The following ANKS3 variants were observed in gnomAD, a reference collection of about 807,000 sequenced individuals.
ANKS3 encodes ankyrin repeat and sterile alpha motif domain containing 3, also known as ankyrin repeat and SAM domain-containing protein 3.
In ANKS3, 62 loss-of-function variants were observed where a neutral mutation model predicts 80.7. That is an observed-to-expected ratio of 0.77 (90% CI 0.63 to 0.95). The LOEUF (loss-of-function observed/expected upper bound fraction) is 0.95, where lower values mean the gene tolerates loss of function less well. Ranked by LOEUF, ANKS3 falls within the 40% of genes least tolerant of loss-of-function variation. The pLI, the probability that ANKS3 is intolerant of heterozygous loss-of-function variation, is 0.00. For synonymous variants in ANKS3, 489 were observed against 355.3 expected (o/e 1.38, Z -4.23); for missense variants, 1,150 against 883.6 (o/e 1.30, Z -3.82).
Position 4,734,074 on chromosome 16 carries a change from G to A in ANKS3, c.-207C>T, listed in dbSNP as rs114614747. The A allele has an allele frequency of 4.4e-4, 426 of 969,556 alleles. 1 individual carries two copies. The African/African-American group carries it at 7.1e-3, about 16-fold the overall frequency. The allele number at this position is 969,556 out of a possible 1,614,324, so 60.1% of individuals were successfully genotyped here. Reference sequence around the variant, plus strand: ...TCCTCCAGTCACGCGGCGAGCAAGTGCAGCGCGGGACGCCCGAGCGCCGGG... The same window carrying A: ...TCCTCCAGTCACGCGGCGAGCAAGTACAGCGCGGGACGCCCGAGCGCCGGG... On this transcript the variant is annotated 5_prime_UTR_variant, in exon 1 of 18. Coordinates refer to ENST00000304283, the MANE Select transcript of ANKS3 (RefSeq NM_133450.4).
chr16:4,701,332 C>A (rs2079891053), intron 10 of ANKS3, 102 bp downstream of exon 10: 1 of 1,345,634 alleles, frequency 7.4e-7, no homozygotes, highest in African/African-American at 1.5e-5. Flanking sequence ...ACACGTGCAG[C>A]AGCTGCTTCT....
intron 7 of ANKS3, among the ~76,000 whole-genome samples, chr16:4,709,716 G>A (rs527645219): frequency 3.1e-4 from 47 of 152,294 alleles, no homozygotes; most frequent in African/African-American, 9.9e-4. Flanking sequence ...ACATAGAAAA[G>A]AAAGACAAAT....
chr16:4,698,229 C>A, intron 14 of ANKS3, 167 bp from the exon 15 acceptor site: 1 of 1,105,494 alleles, frequency 9.0e-7, no homozygotes, highest in Non-Finnish European at 1.3e-6. Context: ...GGAGGGCGAC[C>A]GGTGCAGATT....
intron 8 of ANKS3, among the ~76,000 whole-genome samples, chr16:4,702,584 G>C (rs143486225): frequency 6.6e-6 from 1 of 152,236 alleles, no homozygotes; most frequent in Non-Finnish European, 1.5e-5. Context: ...GCAGGAGGTA[G>C]CTAATGACCT....
intron 6 of ANKS3, chr16:4,717,690 C>T (rs1191427709): frequency 1.3e-5 from 2 of 152,250 alleles, no homozygotes; most frequent in Non-Finnish European, 2.9e-5. Flanking sequence ...GGCAGAATCT[C>T]ACTCTGTGGC....
intron 15 of ANKS3, 144 bp from the exon 16 acceptor site, chr16:4,697,560 G>GCCGA: frequency 1.5e-6 from 1 of 664,754 alleles, no homozygotes; most frequent in Non-Finnish European, 2.5e-6. Context: ...ACCTCCCAAG[G>GCCGA]CCGAGGCAGG....
intron 7 of ANKS3, among the ~76,000 whole-genome samples, chr16:4,706,541 T>A (rs989384273): frequency 6.6e-6 from 1 of 152,162 alleles, no homozygotes; most frequent in Non-Finnish European, 1.5e-5. Context: ...CCAGCCACAA[T>A]TTTGTATTTT....
At chr16:4,715,109 T>C (rs944641679) in intron 6 of ANKS3, among the ~76,000 whole-genome samples, 36 of 149,502 alleles carry the variant, frequency 2.4e-4, no homozygotes, top group African/African-American at 8.9e-4. Flanking sequence ...GTTATTGCCA[T>C]AGATGGTGAT....
intron 6 of ANKS3, among the ~76,000 whole-genome samples, chr16:4,721,215 G>C (rs1368614610): frequency 1.3e-5 from 2 of 149,988 alleles, no homozygotes; most frequent in Admixed American, 6.7e-5. Context: ...TGAGGCAGGA[G>C]AATGGTGTGA....
rs767814419 is a variant in ANKS3, at chr16:4,727,077, C to A, written c.271G>T (p.Ala91Ser). The A allele has an allele frequency of 6.2e-7, 1 of 1,614,208 alleles. No homozygotes were observed. The highest frequency in any genetic ancestry group is 1.1e-5 in the South Asian group (1 of 91,086). ...HDTIVHLLLE[A>S]GVSVNVPTPE... Reference sequence around the variant, plus strand: ...GTCGGCACATTCACACTCACCCCCGCCTCAAGCAGCAGGTGCACGATTGTG... The same window carrying A: ...GTCGGCACATTCACACTCACCCCCGACTCAAGCAGCAGGTGCACGATTGTG... The change falls in exon 4 of 18, where the codon GCG (alanine) becomes TCG (serine). Residue 91 changes from alanine to serine, a missense_variant. Ala to Ser is a moderately conservative substitution (Grantham distance 99). Coordinates refer to ENST00000304283, the MANE Select transcript of ANKS3 (RefSeq NM_133450.4).
intron 7 of ANKS3, among the ~76,000 whole-genome samples, chr16:4,713,275 AAAAAC>A (rs1436298178): frequency 1.3e-5 from 2 of 152,202 alleles, no homozygotes; most frequent in Non-Finnish European, 2.9e-5. Flanking sequence ...GTATCAAAAA[AAAAAC>A]AAAAGTTTGC....
At chr16:4,697,882 C>T (rs1441483657) in intron 15 of ANKS3, 95 bp downstream of exon 15, 11 of 1,183,410 alleles carry the variant, frequency 9.3e-6, no homozygotes, top group Non-Finnish European at 1.2e-5. Context: ...TGGCTGCCGG[C>T]CGGAGAACCA....
In ANKS3 at chr16:4,701,491, G is replaced by C. The variant is rs150385209; in HGVS notation, c.1062C>G (p.Ser354Arg). The change falls in exon 10 of 18, where the codon AGC becomes AGG. Residue 354 changes from serine to arginine, a missense_variant. Physicochemically the swap from Ser to Arg is moderately radical, Grantham distance 110 (BLOSUM62 -1). Transcript: ENST00000304283. Reference protein sequence around the residue: ...NLGPVQSSSSSEGLARAQGLS... With the variant: ...NLGPVQSSSSREGLARAQGLS... ...GCCCCTGGGCTCTGGCCAGGCCCTC[G>C]CTGCTGCTGCTGCTCTGGACGGGCC... The C allele has an allele frequency of 2.2e-5, 36 of 1,608,756 alleles. No homozygotes were observed. Among genetic ancestry groups the C allele is most frequent in the Non-Finnish European group, 3.1e-5 (36 of 1,177,190 alleles).
In ANKS3 at chr16:4,698,895, G is replaced by A. The variant is rs922917356; in HGVS notation, c.1456C>T (p.His486Tyr). The A allele has an allele frequency of 8.1e-6, 13 of 1,600,068 alleles. No homozygotes were observed. The highest frequency in any genetic ancestry group is 1.0e-5 in the Non-Finnish European group (12 of 1,172,178). Residue 486 changes from histidine (H) to tyrosine (Y), a missense_variant, in exon 13 of 18, where the codon CAC becomes TAC. Coordinates refer to ENST00000304283, the MANE Select transcript of ANKS3 (RefSeq NM_133450.4). ...RKMTSAIARWHSSARPPGDAL... is the reference protein window; with the variant it reads ...RKMTSAIARWYSSARPPGDAL... ...TCCCCGGGTGGGCGGGCACTGCTGT[G>A]CCAGCGGGCAATGGCGGACGTCATC...
Position 4,697,972 on chromosome 16 carries a change from C to CT in ANKS3, c.1810+4dup, listed in dbSNP as rs2079667690. The CT allele has an allele frequency of 1.3e-6, 2 of 1,582,838 alleles. No individual in the cohort carries two copies. The highest frequency in any genetic ancestry group is 2.7e-5 in the African/African-American group (2 of 74,536). On this transcript the variant is annotated splice_donor_region_variant and intron_variant, in intron 15 of 17. Coordinates refer to ENST00000304283, the MANE Select transcript of ANKS3 (RefSeq NM_133450.4). ...CCCAGTGCGGAGTCAGGCCACTGCT[C>CT]TTACCAGCTGGGGGGACGGCTAGGC...
At chr16:4,697,565 G>A (rs1391605583) in intron 15 of ANKS3, 149 bp from the exon 16 acceptor site, 4 of 653,620 alleles carry the variant, frequency 6.1e-6, no homozygotes, top group East Asian at 2.9e-5. Flanking sequence ...CCAAGGCCGA[G>A]GCAGGGAAGC....
intron 12 of ANKS3, 33 bp from the exon 13 acceptor site, chr16:4,698,974 G>A: frequency 2.5e-6 from 4 of 1,612,704 alleles, no homozygotes; most frequent in Non-Finnish European, 3.4e-6. Context: ...ATATGCCTCA[G>A]CGTCCCAAGA....
Position 4,730,135 on chromosome 16 carries a change from G to A in ANKS3, c.15C>T (p.Ser5=), listed in dbSNP as rs751093171. Residue 5 remains serine, a synonymous_variant, in exon 3 of 18, where the codon AGC becomes AGT. Transcript: ENST00000304283. MSEL[S]DEASEPELLN... Reference sequence around the variant, plus strand: ...GGAGTTCCGGCTCGCTGGCTTCATCGCTGAGCTCGGACATCACTGAGGAGG... The same window carrying A: ...GGAGTTCCGGCTCGCTGGCTTCATCACTGAGCTCGGACATCACTGAGGAGG... 1.3e-5 allele frequency: 21 copies of A among 1,571,094 alleles called. No individual in the cohort carries two copies. The highest frequency in any genetic ancestry group is 1.8e-5 in the Admixed American group (1 of 56,746).
intron 6 of ANKS3, among the ~76,000 whole-genome samples, chr16:4,720,290 T>C (rs1567409616): frequency 6.7e-6 from 1 of 149,582 alleles, no homozygotes; most frequent in Non-Finnish European, 1.5e-5. Flanking sequence ...GGTGAAACCC[T>C]GTCTCTACTA....
Sources: allele counts gnomAD v4.1 joint callset (sites outside exome capture counted in the v4.1 genomes callset), GRCh38; gene constraint gnomAD v4.1.1; transcripts MANE v1.5; gene names NCBI Gene and HGNC (gene_info 2026-07-23, HGNC 2026-07-21).